The following ECE1 variants were observed in gnomAD, a reference collection of about 807,000 sequenced individuals.
ECE1 encodes endothelin converting enzyme 1, also known as endothelin-converting enzyme 1.
A neutral mutation model predicts 98.6 loss-of-function variants in ECE1; 35 were observed. The ratio of observed to expected loss-of-function variants is 0.35; its 90% confidence interval spans 0.27 to 0.47. The LOEUF (loss-of-function observed/expected upper bound fraction) is 0.47. Ranked by LOEUF, ECE1 falls within the 20% of genes least tolerant of loss-of-function variation. The pLI is 1.00. For synonymous variants in ECE1, 394 were observed against 407.1 expected (o/e 0.97, Z 0.39); for missense variants, 814 against 1,025.3 (o/e 0.79, Z 2.81).
At position 21,317,681 on chromosome 1, in the gene ECE1, C is replaced by T. The variant is rs571963874; in HGVS notation, c.4-27525G>A. Among the ~76,000 whole-genome samples the T allele has an allele frequency of 1.2e-4, 19 of 152,336 alleles. 1 individual carries two copies. Among genetic ancestry groups the T allele is most frequent in the African/African-American group, 4.1e-4 (17 of 41,572 alleles). Reference sequence around the variant, plus strand: ...CCTCTGTGAGCTAGGCAGGAAAGCCCGGTTCCATTCCTGCCCAGTTCTCTT... The same window carrying T: ...CCTCTGTGAGCTAGGCAGGAAAGCCTGGTTCCATTCCTGCCCAGTTCTCTT... On this transcript the variant is annotated intron_variant, in intron 1 of 18. Coordinates refer to the ECE1 transcript ENST00000415912.
At chr1:21,251,775 T>A (rs112331746) in intron 8 of ECE1, among the ~76,000 whole-genome samples, 59 of 152,258 alleles carry the variant, frequency 3.9e-4, no homozygotes, top group Non-Finnish European at 7.1e-4. Context: ...CTTTTTCCGT[T>A]CTTTCTCTAA....
chr1:21,253,624 G>A (rs1437498367), intron 8 of ECE1, among the ~76,000 whole-genome samples: 11 of 151,816 alleles, frequency 7.2e-5, no homozygotes, highest in East Asian at 2.0e-4. Context: ...TTAGCCGGGC[G>A]TGGTGGCGGG....
chr1:21,231,303 G>A (rs1220347916), intron 14 of ECE1, among the ~76,000 whole-genome samples: 2 of 152,194 alleles, frequency 1.3e-5, no homozygotes, highest in Non-Finnish European at 2.9e-5. Context: ...CAGTCACTCT[G>A]CCTCCTCCAG....
intron 1 of ECE1, among the ~76,000 whole-genome samples, chr1:21,297,468 G>A (rs1638385019): frequency 6.6e-6 from 1 of 150,888 alleles, no homozygotes; most frequent in African/African-American, 2.4e-5. Flanking sequence ...ATCTCCTACT[G>A]TAGCTCCCTT....
At chr1:21,312,674 A>G (rs213010) in intron 1 of ECE1, among the ~76,000 whole-genome samples, 59,437 of 151,850 alleles carry the variant, frequency 0.39, 12,141 homozygotes, top group African/African-American at 0.52. Context: ...CACGTGTCCC[A>G]TGTGCTGTCC....
chr1:21,235,788 G>T lies in ECE1; in HGVS notation c.1566+62C>A. The T allele has an allele frequency of 6.5e-7, 1 of 1,549,868 alleles. No homozygotes were observed. The highest frequency in any genetic ancestry group is 1.1e-5 in the South Asian group (1 of 89,794). On this transcript the variant is annotated intron_variant, in intron 13 of 18. Transcript: ENST00000374893. This position sits in a 1 kb window ranked among gnomAD's most constrained non-coding sequence, Gnocchi z 4.2. ...TAGCACCCCATCTGGACCCAGCCCT[G>T]CCTCGGCCCTTTTCTAAGGGGGCAT...
chr1:21,283,091 G>A (rs1370208292), intron 2 of ECE1, among the ~76,000 whole-genome samples: 1 of 151,514 alleles, frequency 6.6e-6, no homozygotes, highest in Non-Finnish European at 1.5e-5. Flanking sequence ...ACAGGCACAT[G>A]CCACCACACC....
intron 17 of ECE1, 162 bp from the exon 18 acceptor site, chr1:21,222,004 C>T: frequency 1.4e-6 from 1 of 711,966 alleles, no homozygotes. Flanking sequence ...TTGATGTGCA[C>T]TCGTTTAGCC....
At position 21,310,012 on chromosome 1, in the gene ECE1, G is replaced by A. The variant is rs796548636; in HGVS notation, c.4-19856C>T. ...TCACCGTGTTAGCCAGGATGGTCTC[G>A]ATCTCCTGACCTCGTGTCGTGATCC... On this transcript the variant is annotated intron_variant, in intron 1 of 18. Transcript: ENST00000415912. Among the ~76,000 whole-genome samples the A allele has an allele frequency of 5.2e-4, 78 of 150,514 alleles. 1 individual carries two copies. The highest frequency in any genetic ancestry group is 1.0e-3 in the African/African-American group (42 of 41,160).
rs2098165551 is a variant in ECE1, at chr1:21,220,139, G to A, written c.2137-8C>T. ...GCGGACGGAGCACCAGACCTTTGAA[G>A]GGGCAACAGGGAGAGGCCAGGGTCA... On this transcript the variant is annotated splice_region_variant and splice_polypyrimidine_tract_variant and intron_variant, in intron 18 of 18. Transcript: ENST00000374893. The surrounding 1 kb of genome is among the most constrained non-coding windows in gnomAD (Gnocchi z 5.0). The A allele has an allele frequency of 6.2e-7, 1 of 1,606,002 alleles. No individual in the cohort carries two copies. Among genetic ancestry groups the A allele is most frequent in the Non-Finnish European group, 8.5e-7 (1 of 1,174,302 alleles).
At chr1:21,237,010 C>T (rs576466554) in intron 11 of ECE1, among the ~76,000 whole-genome samples, 166 bp from the exon 12 acceptor site, 1 of 152,156 alleles carries the variant, frequency 6.6e-6, no homozygotes, top group Non-Finnish European at 1.5e-5. Flanking sequence ...ACGCTCCTAA[C>T]GTGAACACCC....
chr1:21,319,473 G>A lies in ECE1; in HGVS notation c.3+25903C>T, dbSNP rs923427195. Among the ~76,000 whole-genome samples the A allele has an allele frequency of 3.9e-5, 6 of 152,098 alleles. No individual in the cohort carries two copies. Among genetic ancestry groups the A allele is most frequent in the African/African-American group, 1.4e-4 (6 of 41,412 alleles). ...ACATACTAGGGCCTCCATAAATGCC[G>A]GCTCCATGCTGCCCCCACCTCTGTC... On this transcript the variant is annotated intron_variant, in intron 1 of 18. Coordinates refer to the ECE1 transcript ENST00000415912. The surrounding 1 kb of genome is among the most constrained non-coding windows in gnomAD (Gnocchi z 4.4).
intron 1 of ECE1, among the ~76,000 whole-genome samples, chr1:21,296,369 C>T (rs574096065): frequency 1.2e-3 from 177 of 151,934 alleles, no homozygotes; most frequent in African/African-American, 4.0e-3. Context: ...AAAAAATTAG[C>T]TAGGTGTGGT....
chr1:21,295,859 T>G (rs762258457), intron 1 of ECE1, among the ~76,000 whole-genome samples: 4 of 152,246 alleles, frequency 2.6e-5, no homozygotes, highest in Non-Finnish European at 5.9e-5. Flanking sequence ...TCCTGGCTCA[T>G]GTGACCTCGG....
chr1:21,267,992 T>TA (rs1484059862), intron 4 of ECE1, among the ~76,000 whole-genome samples: 3 of 152,250 alleles, frequency 2.0e-5, no homozygotes, highest in African/African-American at 7.2e-5. Context: ...ATGGAATCTG[T>TA]GTTGCTTGAA....
At chr1:21,270,404 G>A (rs2098238935) in intron 4 of ECE1, among the ~76,000 whole-genome samples, 3 of 152,254 alleles carry the variant, frequency 2.0e-5, no homozygotes, top group Admixed American at 6.5e-5. Context: ...TGCGGAAAGG[G>A]AGCTAATGTC....
In ECE1 at chr1:21,219,855, C is replaced by G. The variant is rs2098165112; in HGVS notation, c.*100G>C. The G allele has an allele frequency of 2.0e-6, 3 of 1,501,352 alleles. No homozygotes were observed. The highest frequency in any genetic ancestry group is 2.4e-5 in the East Asian group (1 of 42,446). The allele number at this position is 1,501,352 out of a possible 1,614,324, so 93.0% of individuals were successfully genotyped here. On this transcript the variant is annotated 3_prime_UTR_variant, in exon 19 of 19. Transcript: ENST00000374893. This position sits in a 1 kb window ranked among gnomAD's most constrained non-coding sequence, Gnocchi z 4.5. ...ACCCGCCAGTGTGAGGAAGCAGGGC[C>G]CCGGGTGGCCAAGCGGGCTGAGCAA...
At position 21,233,432 on chromosome 1, in the gene ECE1, T is replaced by A; in HGVS notation, c.1670+126A>T. 5 of 804,326 alleles carry A rather than the reference T, an allele frequency of 6.2e-6. No homozygotes were observed. Among genetic ancestry groups the A allele is most frequent in the Non-Finnish European group, 9.9e-6 (5 of 502,582 alleles). The allele number at this position is 804,326 out of a possible 1,614,324, so 49.8% of individuals were successfully genotyped here. On this transcript the variant is annotated intron_variant, in intron 14 of 18. Transcript: ENST00000374893. This position sits in a 1 kb window ranked among gnomAD's most constrained non-coding sequence, Gnocchi z 4.0. ...AAAGTGGGATAACAAGGGCATCCACTCTTCAGACGGCTCTCGTGATAGCTG... is the reference window on the plus strand; with the variant it reads ...AAAGTGGGATAACAAGGGCATCCACACTTCAGACGGCTCTCGTGATAGCTG...
At chr1:21,264,640 C>T (rs192966283) in intron 4 of ECE1, among the ~76,000 whole-genome samples, 1 of 152,170 alleles carries the variant, frequency 6.6e-6, no homozygotes, top group Non-Finnish European at 1.5e-5. Context: ...GGCCAGAAGG[C>T]TCTATATCAC....
Sources: gnomAD v4.1 joint callset for allele counts (sites outside exome capture counted in the v4.1 genomes callset) on GRCh38, gnomAD v4.1.1 for gene constraint, Gnocchi (gnomAD v3.1) non-coding constraint, MANE v1.5 for transcripts, NCBI Gene and HGNC (gene_info 2026-07-23, HGNC 2026-07-21) for gene names.